The following SYN3 variants were observed in gnomAD, a reference collection of about 807,000 sequenced individuals.
SYN3 encodes the protein synapsin III.
A neutral mutation model predicts 65.8 loss-of-function variants in SYN3; 35 were observed. That is an observed-to-expected ratio of 0.53 (90% CI 0.41 to 0.70). The LOEUF (loss-of-function observed/expected upper bound fraction) is 0.70, where lower values mean the gene tolerates loss of function less well. Among genes scored for constraint, SYN3 ranks in the 30% least tolerant of loss-of-function variants. SYN3 has a pLI of 0.00. For missense variants in SYN3, 680 were observed against 749.0 expected, an observed-to-expected ratio of 0.91 and a Z score of 1.08; for synonymous variants, 270 against 292.9, an observed-to-expected ratio of 0.92 and a Z score of 0.80.
At chr22:32,972,822 A>T (rs999110847) in intron 3 of SYN3, among the ~76,000 whole-genome samples, 1 of 151,798 alleles carries the variant, frequency 6.6e-6, no homozygotes, top group Admixed American at 6.6e-5. Context: ...GCGATGCCTT[A>T]TCACTACAAA....
intron 6 of SYN3, among the ~76,000 whole-genome samples, chr22:32,697,551 T>C (rs748503908): frequency 2.3e-4 from 35 of 152,142 alleles, no homozygotes; most frequent in African/African-American, 7.7e-4. Flanking sequence ...CCATATAAGA[T>C]GGTTGTATCA....
intron 6 of SYN3, among the ~76,000 whole-genome samples, chr22:32,733,103 C>T (rs1408317520): frequency 1.3e-5 from 2 of 152,118 alleles, no homozygotes; most frequent in Non-Finnish European, 2.9e-5. Flanking sequence ...ATTGGCTGAT[C>T]CCTTTACACA....
Position 32,801,689 on chromosome 22 carries a change from G to A in SYN3, c.711+63226C>T. On this transcript the variant is annotated intron_variant, in intron 6 of 13. Transcript: ENST00000358763. The surrounding 1 kb of genome is among the most constrained non-coding windows in gnomAD (Gnocchi z 4.7). ...GGGCCCAGCGCTATATCACTCGGCC[G>A]CCCAGGCAGCGGCGCAGAGCGGGCA... 5.6e-6 allele frequency: 1 copy of A among 177,922 alleles called. No homozygotes were observed. The highest frequency in any genetic ancestry group is 1.2e-5 in the Non-Finnish European group (1 of 86,552). 11.0% of individuals were successfully genotyped at this position (177,922 alleles called of 1,614,324 possible). A position where few individuals can be genotyped will look rare whatever the true frequency, so the allele number is the denominator to read the frequency against.
At chr22:32,521,265 T>TGA (rs2057875849) in intron 12 of SYN3, among the ~76,000 whole-genome samples, 1 of 152,038 alleles carries the variant, frequency 6.6e-6, no homozygotes, top group African/African-American at 2.4e-5. Flanking sequence ...ACTATGGAAG[T>TGA]GAGGAGTAGG....
chr22:32,880,752 G>A (rs241903), intron 4 of SYN3, among the ~76,000 whole-genome samples: 32,452 of 152,196 alleles, frequency 0.21, 3,695 homozygotes, highest in South Asian at 0.4. Flanking sequence ...ACCTGGAGTA[G>A]TTAATATGTT....
chr22:32,814,141 TGAGA>T (rs1205873097), intron 6 of SYN3, among the ~76,000 whole-genome samples: 1 of 98,500 alleles, frequency 1.0e-5, no homozygotes, highest in Non-Finnish European at 1.9e-5. Flanking sequence ...TGTGTGTGTG[TGAGA>T]GAGAGAGAGA....
intron 3 of SYN3, among the ~76,000 whole-genome samples, chr22:32,961,485 A>C (rs1387751760): frequency 6.6e-6 from 1 of 152,230 alleles, no homozygotes; most frequent in Non-Finnish European, 1.5e-5. Context: ...TTGTGTTGTC[A>C]GTGGGTTTTG....
chr22:32,569,999 C>T (rs1031917264), intron 7 of SYN3, among the ~76,000 whole-genome samples: 2 of 152,190 alleles, frequency 1.3e-5, no homozygotes, highest in Admixed American at 6.5e-5. Context: ...CGATGGCTTA[C>T]GTTTTCTGGG....
chr22:32,784,277 T>C (rs749034972), intron 6 of SYN3, among the ~76,000 whole-genome samples: 1 of 152,224 alleles, frequency 6.6e-6, no homozygotes, highest in Non-Finnish European at 1.5e-5. Flanking sequence ...TGACAGGGCA[T>C]ATGCGATTAT....
intron 6 of SYN3, among the ~76,000 whole-genome samples, chr22:32,693,561 C>T (rs1407870390): frequency 4.1e-5 from 6 of 145,270 alleles, no homozygotes; most frequent in East Asian, 2.0e-4. Context: ...TGGCCTAAAT[C>T]GGGTAATATA....
intron 6 of SYN3, among the ~76,000 whole-genome samples, chr22:32,759,781 A>C (rs1472046948): frequency 1.1e-4 from 7 of 61,304 alleles, no homozygotes; most frequent in African/African-American, 3.8e-4. Flanking sequence ...CACCCACGGC[A>C]CCCCCAGCCA....
chr22:32,593,753 A>G (rs1201220189), intron 7 of SYN3, among the ~76,000 whole-genome samples: 2 of 152,124 alleles, frequency 1.3e-5, no homozygotes, highest in Non-Finnish European at 2.9e-5. Context: ...GGGAAGGAAA[A>G]AGGTGACTCG....
chr22:32,843,769 T>G (rs1458706808), intron 6 of SYN3, among the ~76,000 whole-genome samples: 1 of 152,136 alleles, frequency 6.6e-6, no homozygotes, highest in East Asian at 1.9e-4. Context: ...GAGCAGCCCC[T>G]TCCCTGGGAC....
intron 1 of SYN3, among the ~76,000 whole-genome samples, chr22:33,056,623 G>A (rs1158501863): frequency 1.3e-5 from 2 of 152,238 alleles, no homozygotes; most frequent in African/African-American, 4.8e-5. Flanking sequence ...CCTCTGCCCA[G>A]TTCTGCTTCC....
chr22:32,844,202 G>A (rs2047996473), intron 6 of SYN3, among the ~76,000 whole-genome samples: 1 of 152,178 alleles, frequency 6.6e-6, no homozygotes, highest in African/African-American at 2.4e-5. Flanking sequence ...ACAATGGTTG[G>A]ATGGGGGATA....
chr22:32,539,648 A>G (rs955422681), intron 8 of SYN3, among the ~76,000 whole-genome samples: 1 of 152,156 alleles, frequency 6.6e-6, no homozygotes, highest in Non-Finnish European at 1.5e-5. Context: ...GGCCGGGGAA[A>G]TTCTACACTG....
rs1569188477 is a variant in SYN3, at chr22:32,743,156, TGAGTG to T, written c.711+121754_711+121758del. On this transcript the variant is annotated intron_variant, in intron 6 of 13. Transcript: ENST00000358763. ...AACACTAGCTATTTCAGTTACCCCC[TGAGTG>T]AGTATAAATGTATGATTCATATGTG... is the stretch of plus-strand genomic sequence containing the variant. Among the ~76,000 whole-genome samples, 3 of 152,344 alleles carry T rather than the reference TGAGTG, an allele frequency of 2.0e-5. No individual in the cohort carries two copies. In the South Asian group the frequency reaches 6.2e-4, roughly 32 times the overall value.
At chr22:32,607,887 C>A (rs2059392470) in intron 6 of SYN3, among the ~76,000 whole-genome samples, 1 of 152,148 alleles carries the variant, frequency 6.6e-6, no homozygotes, top group South Asian at 2.1e-4. Context: ...TGGGGAGGGT[C>A]TGAATGATCC....
At chr22:32,924,628 G>C (rs2050420721) in intron 4 of SYN3, among the ~76,000 whole-genome samples, 1 of 152,204 alleles carries the variant, frequency 6.6e-6, no homozygotes, top group Non-Finnish European at 1.5e-5. Context: ...AATGGATGAA[G>C]ATCTGCATTT....
Sources: allele counts gnomAD v4.1 joint callset (sites outside exome capture counted in the v4.1 genomes callset), GRCh38; gene constraint gnomAD v4.1.1; non-coding constraint Gnocchi (gnomAD v3.1); transcripts MANE v1.5; gene names NCBI Gene and HGNC (gene_info 2026-07-23, HGNC 2026-07-21).